Variants in LRP1B observed in about 807,000 individuals in gnomAD.
LRP1B encodes the protein low-density lipoprotein receptor-related protein 1B.
In LRP1B, 217 loss-of-function variants were observed where a neutral mutation model predicts 556.6. The observed-to-expected ratio is 0.39, with a 90% CI of 0.35 to 0.44. LRP1B has a LOEUF of 0.44. Among genes scored for constraint, LRP1B ranks in the 20% least tolerant of loss-of-function variants. The pLI, the probability that LRP1B is intolerant of heterozygous loss-of-function variation, is 1.00. For missense variants in LRP1B, 5,053 were observed against 5,620.8 expected (o/e 0.90, Z 3.23); for synonymous variants, 2,047 against 1,865.8 (o/e 1.10, Z -2.50).
chr2:140,387,934 CTTTT>C (rs536602296), intron 66 of LRP1B, among the ~76,000 whole-genome samples: 1 of 138,388 alleles, frequency 7.2e-6, no homozygotes, highest in African/African-American at 2.6e-5. Flanking sequence ...CTTGTACTTT[CTTTT>C]TTTTTTTTTT....
At chr2:141,361,150 A>G (rs968843100) in intron 3 of LRP1B, among the ~76,000 whole-genome samples, 1 of 152,140 alleles carries the variant, frequency 6.6e-6, no homozygotes, top group Non-Finnish European at 1.5e-5. Flanking sequence ...TGAAAGTTTC[A>G]TTACTAGTAT....
chr2:141,800,384 C>A (rs1260139399), intron 2 of LRP1B, among the ~76,000 whole-genome samples: 2 of 152,184 alleles, frequency 1.3e-5, no homozygotes, highest in African/African-American at 4.8e-5. Context: ...TATTTCTATC[C>A]CCTGTAAAAG....
intron 3 of LRP1B, among the ~76,000 whole-genome samples, chr2:141,458,940 T>C (rs1026473665): frequency 3.3e-5 from 5 of 152,280 alleles, no homozygotes; most frequent in Non-Finnish European, 7.3e-5. Flanking sequence ...CACAGTAATA[T>C]GTAGAAAGGA....
At chr2:141,993,862 C>T (rs1283298967) in intron 1 of LRP1B, among the ~76,000 whole-genome samples, 1 of 152,098 alleles carries the variant, frequency 6.6e-6, no homozygotes, top group Admixed American at 6.6e-5. Context: ...AGATACAGAA[C>T]GAAGCTTGAC....
intron 55 of LRP1B, among the ~76,000 whole-genome samples, chr2:140,498,909 G>C (rs1689062845): frequency 6.6e-6 from 1 of 151,794 alleles, no homozygotes; most frequent in Non-Finnish European, 1.5e-5. Context: ...GTTTGTACAA[G>C]TCATATTTCC....
intron 68 of LRP1B, among the ~76,000 whole-genome samples, chr2:140,373,500 A>C (rs74630413): frequency 3.3e-5 from 5 of 152,158 alleles, no homozygotes; most frequent in Non-Finnish European, 7.4e-5. Context: ...ATAAAAAAAA[A>C]TTTTATGGCT....
In LRP1B at chr2:140,805,263, A is replaced by C. The variant is rs1471290754; in HGVS notation, c.5359+8394T>G. Among the ~76,000 whole-genome samples, 3 of 152,318 alleles carry C rather than the reference A, an allele frequency of 2.0e-5. No individual in the cohort carries two copies. The East Asian group carries it at 5.8e-4, about 29-fold the overall frequency. ...ACTTGAAACAGGTCAATAGTATAAT[A>C]TATTAAAATTGTGATAAATAGAAAA... is the stretch of plus-strand genomic sequence containing the variant. On this transcript the variant is annotated intron_variant, in intron 32 of 90. Transcript: ENST00000389484.
chr2:140,619,506 A>G (rs1195294754), intron 41 of LRP1B, among the ~76,000 whole-genome samples: 1 of 152,198 alleles, frequency 6.6e-6, no homozygotes, highest in Admixed American at 6.5e-5. Flanking sequence ...AGGGCTGTCA[A>G]TGTCTTGTGA....
chr2:141,976,827 A>G (rs1301308705), intron 1 of LRP1B, among the ~76,000 whole-genome samples: 2 of 152,262 alleles, frequency 1.3e-5, no homozygotes, highest in Non-Finnish European at 2.9e-5. Context: ...ACCTGGGGGT[A>G]CTAGTTAGCA....
chr2:140,584,387 CATAT>C (rs35137673), intron 43 of LRP1B, among the ~76,000 whole-genome samples: 93,280 of 149,752 alleles, frequency 0.62, 29,065 homozygotes, highest in South Asian at 0.64. Flanking sequence ...GAAATGTGCT[CATAT>C]ATATATATAT....
At chr2:140,598,543 G>T in intron 43 of LRP1B, 88 bp downstream of exon 43, 1 of 957,108 alleles carries the variant, frequency 1.0e-6, no homozygotes, top group Non-Finnish European at 1.6e-6. Flanking sequence ...GAAATTCCTT[G>T]ATATGTACAT....
intron 43 of LRP1B, among the ~76,000 whole-genome samples, chr2:140,579,427 A>T (rs530488661): frequency 6.6e-6 from 1 of 152,172 alleles, no homozygotes; most frequent in Non-Finnish European, 1.5e-5. Context: ...GTACCAGAAG[A>T]CATGACCACT....
chr2:141,999,121 C>T (rs183639128), intron 1 of LRP1B, among the ~76,000 whole-genome samples: 5 of 152,204 alleles, frequency 3.3e-5, no homozygotes, highest in South Asian at 2.1e-4. Context: ...GGATGGAATT[C>T]GATGTCTTAT....
rs118171008 is a variant in LRP1B at position 141,955,350 on chromosome 2, T to C, written c.83-144949A>G. ...GTGTTTTAGATGACAAATGGTAACA[T>C]AGTGTATGCATTTTCTGCATCTTGC... On this transcript the variant is annotated intron_variant, in intron 1 of 90. Coordinates refer to ENST00000389484, the MANE Select transcript of LRP1B (RefSeq NM_018557.3). Among the ~76,000 whole-genome samples, 201 of 152,262 alleles carry C rather than the reference T, an allele frequency of 1.3e-3. 1 individual carries two copies. The highest frequency in any genetic ancestry group is 4.7e-3 in the African/African-American group (194 of 41,576).
chr2:140,748,819 AATATATATC>A (rs1217136588), intron 35 of LRP1B, among the ~76,000 whole-genome samples: 6 of 93,614 alleles, frequency 6.4e-5, no homozygotes, highest in South Asian at 3.9e-4. Flanking sequence ...ACATGTATAT[AATATATATC>A]ATATATTATA....
chr2:141,590,952 A>G (rs1432582904), intron 2 of LRP1B, among the ~76,000 whole-genome samples: 1 of 152,020 alleles, frequency 6.6e-6, no homozygotes, highest in African/African-American at 2.4e-5. Context: ...TCTTTTTTAA[A>G]AGTCTTTGAC....
chr2:140,646,741 A>C (rs1479715485), intron 41 of LRP1B, among the ~76,000 whole-genome samples: 3 of 152,120 alleles, frequency 2.0e-5, no homozygotes, highest in Non-Finnish European at 4.4e-5. Flanking sequence ...TATTTTTAAA[A>C]CAAAATGAAA....
At chr2:141,093,167 C>A in intron 7 of LRP1B, among the ~76,000 whole-genome samples, 1 of 151,454 alleles carries the variant, frequency 6.6e-6, no homozygotes. Flanking sequence ...TTTTAAGTAG[C>A]CAGAGAGAGT....
At chr2:141,997,125 A>C (rs1321717429) in intron 1 of LRP1B, among the ~76,000 whole-genome samples, 1 of 152,070 alleles carries the variant, frequency 6.6e-6, no homozygotes, top group Admixed American at 6.6e-5. Context: ...GAAACTTCAA[A>C]TGCCCGCGAG....
Sources: gnomAD v4.1 joint callset for allele counts (sites outside exome capture counted in the v4.1 genomes callset) on GRCh38, gnomAD v4.1.1 for gene constraint, MANE v1.5 for transcripts, NCBI Gene and HGNC (gene_info 2026-07-23, HGNC 2026-07-21) for gene names.